Variants in NUP35 observed in about 807,000 individuals in gnomAD.
NUP35 encodes nucleoporin NUP35.
Under a neutral mutation model 41.5 loss-of-function variants are expected in NUP35, and 25 were observed. The ratio of observed to expected loss-of-function variants is 0.60; its 90% confidence interval spans 0.44 to 0.84. The LOEUF (loss-of-function observed/expected upper bound fraction) is 0.84, where lower values mean the gene tolerates loss of function less well. Ranked by LOEUF, NUP35 falls within the 40% of genes least tolerant of loss-of-function variation. NUP35 has a pLI of 0.00. For missense variants in NUP35, 396 were observed against 396.6 expected, an observed-to-expected ratio of 1.00 and a Z score of 0.01; for synonymous variants, 149 against 130.7, an observed-to-expected ratio of 1.14 and a Z score of -0.96.
At chr2:183,154,172 C>G (rs1454505737) in intron 5 of NUP35, among the ~76,000 whole-genome samples, 1 of 152,206 alleles carries the variant, frequency 6.6e-6, no homozygotes, top group East Asian at 1.9e-4. Flanking sequence ...GCTTTTTCCT[C>G]CTGGGCCTCC....
At chr2:183,133,745 C>A in intron 4 of NUP35, 122 bp downstream of exon 4, 1 of 528,664 alleles carries the variant, frequency 1.9e-6, no homozygotes, top group Non-Finnish European at 3.0e-6. Flanking sequence ...CTTCTCTATT[C>A]TTCGAATGAA....
At chr2:183,136,367 T>C (rs1274350788) in intron 4 of NUP35, among the ~76,000 whole-genome samples, 3 of 152,232 alleles carry the variant, frequency 2.0e-5, no homozygotes, top group Non-Finnish European at 2.9e-5. Context: ...CAGGGCTGTG[T>C]TTCTGTCTGG....
At chr2:183,156,605 T>C (rs1180697297) in intron 5 of NUP35, among the ~76,000 whole-genome samples, 1 of 152,120 alleles carries the variant, frequency 6.6e-6, no homozygotes, top group African/African-American at 2.4e-5. Flanking sequence ...CCTCCCAAAG[T>C]GCTGGTTGGT....
chr2:183,130,406 T>G lies in NUP35; in HGVS notation c.212-12T>G, dbSNP rs4145840. Reference sequence around the variant, plus strand: ...GAATCCCTTTTTTTTTTTTTTTTTTTGTACACTGTAGGTGGGTCACCACCA... The same window carrying G: ...GAATCCCTTTTTTTTTTTTTTTTTTGGTACACTGTAGGTGGGTCACCACCA... On this transcript the variant is annotated splice_polypyrimidine_tract_variant and intron_variant, in intron 2 of 8. Transcript: ENST00000295119. The G allele has an allele frequency of 1.1e-5, 13 of 1,200,378 alleles. No individual in the cohort carries two copies. Among genetic ancestry groups the G allele is most frequent in the East Asian group, 2.9e-5 (1 of 34,374 alleles). 74.4% of individuals were successfully genotyped at this position (1,200,378 alleles called of 1,614,324 possible). A position where few individuals can be genotyped will look rare whatever the true frequency, so the allele number is the denominator to read the frequency against.
At chr2:183,142,682 G>A (rs1460524496) in intron 4 of NUP35, among the ~76,000 whole-genome samples, 1 of 151,604 alleles carries the variant, frequency 6.6e-6, no homozygotes, top group Non-Finnish European at 1.5e-5. Context: ...GTTTCACCAT[G>A]TTGGCCAGGC....
chr2:183,157,352 G>T, intron 5 of NUP35, 92 bp from the exon 6 acceptor site: 2 of 933,326 alleles, frequency 2.1e-6, no homozygotes, highest in East Asian at 2.4e-5. Flanking sequence ...AGACAGTTGG[G>T]GGCCATTTAT....
At chr2:183,135,264 ATAGT>A (rs1575118900) in intron 4 of NUP35, among the ~76,000 whole-genome samples, 2 of 152,280 alleles carry the variant, frequency 1.3e-5, no homozygotes, top group Non-Finnish European at 2.9e-5. Context: ...CCTACCACTG[ATAGT>A]TAGGGGGCAA....
At chr2:183,159,990 T>G in intron 8 of NUP35, 1 of 184,936 alleles carries the variant, frequency 5.4e-6, no homozygotes, top group South Asian at 1.3e-4. Flanking sequence ...AATTGATGAC[T>G]AAATTGATGG....
intron 4 of NUP35, among the ~76,000 whole-genome samples, chr2:183,142,541 G>A (rs1685132623): frequency 6.6e-6 from 1 of 151,766 alleles, no homozygotes; most frequent in Admixed American, 6.6e-5. Flanking sequence ...GAGTGTAGTG[G>A]CACAATCTCG....
chr2:183,147,734 A>G (rs1257580472), intron 4 of NUP35, among the ~76,000 whole-genome samples: 1 of 152,126 alleles, frequency 6.6e-6, no homozygotes, highest in East Asian at 1.9e-4. Context: ...TGGTTATTTG[A>G]TAGGAATTGT....
rs1685705563 is a variant in NUP35, at chr2:183,157,453, A to C, written c.549A>C (p.Gln183His). The C allele has an allele frequency of 3.7e-6, 6 of 1,611,848 alleles. No homozygotes were observed. In the East Asian group the frequency reaches 1.3e-4, roughly 36 times the overall value. ...CAACTCTTTTTTTCAGGTTTCCTCA[A>C]GCATCTGCTTCCTACATATTACTAC... The part of the protein sequence containing the change: ...DSWVTVFGFP[Q>H]ASASYILLQF... The change falls in exon 6 of 9, where the codon CAA becomes CAC. Residue 183 changes from glutamine to histidine, a missense_variant. Physicochemically the swap from Gln to His is conservative, Grantham distance 24. Coordinates refer to ENST00000295119, the MANE Select transcript of NUP35 (RefSeq NM_138285.5).
chr2:183,131,146 A>ATTT, intron 3 of NUP35: 1 of 229,196 alleles, frequency 4.4e-6, no homozygotes, highest in Admixed American at 4.0e-5. Context: ...GGCTAATTGT[A>ATTT]TTTTTTTTTG....
chr2:183,136,722 C>T (rs1168032549), intron 4 of NUP35, among the ~76,000 whole-genome samples: 2 of 152,144 alleles, frequency 1.3e-5, no homozygotes, highest in African/African-American at 4.8e-5. Flanking sequence ...GTTCATCTGC[C>T]AAGTTCCTTC....
intron 4 of NUP35, among the ~76,000 whole-genome samples, chr2:183,136,555 T>C (rs529519690): frequency 6.6e-6 from 1 of 152,358 alleles, no homozygotes; most frequent in South Asian, 2.1e-4. Flanking sequence ...TCTTCAGATA[T>C]AGCAATGGCA....
At chr2:183,127,207 T>C (rs1277693719) in intron 1 of NUP35, among the ~76,000 whole-genome samples, 1 of 152,220 alleles carries the variant, frequency 6.6e-6, no homozygotes, top group Non-Finnish European at 1.5e-5. Context: ...GGATTTATTT[T>C]GTATCAATTG....
At chr2:183,158,718 C>A (rs1001657757) in intron 7 of NUP35, among the ~76,000 whole-genome samples, 2 of 152,044 alleles carry the variant, frequency 1.3e-5, no homozygotes, top group African/African-American at 4.8e-5. Context: ...CTAATCCATT[C>A]TCTTTCTTGT....
intron 7 of NUP35, among the ~76,000 whole-genome samples, chr2:183,159,165 G>A (rs1685778452): frequency 6.6e-6 from 1 of 152,144 alleles, no homozygotes; most frequent in Non-Finnish European, 1.5e-5. Flanking sequence ...ACTGGAGTTT[G>A]ATTCTTTCCA....
At chr2:183,156,757 C>T (rs1685680212) in intron 5 of NUP35, among the ~76,000 whole-genome samples, 1 of 151,422 alleles carries the variant, frequency 6.6e-6, no homozygotes, top group East Asian at 1.9e-4. Context: ...ATAGCCATTT[C>T]TATGCGATTG....
chr2:183,142,415 G>A lies in NUP35; in HGVS notation c.397+8792G>A, dbSNP rs149221646. ...TTTATGTTATCATTTATATCTGTAT[G>A]CTACTTTCTGAGAGATTTTCTCAAA... On this transcript the variant is annotated intron_variant, in intron 4 of 8. Transcript: ENST00000295119. Among the ~76,000 whole-genome samples the A allele has an allele frequency of 5.1e-3, 770 of 149,544 alleles. 3 individuals are homozygous for A. The highest frequency in any genetic ancestry group is 8.3e-3 in the Non-Finnish European group (561 of 67,490).
Sources: gnomAD v4.1 joint callset for allele counts (sites outside exome capture counted in the v4.1 genomes callset) on GRCh38, gnomAD v4.1.1 for gene constraint, MANE v1.5 for transcripts, NCBI Gene and HGNC (gene_info 2026-07-23, HGNC 2026-07-21) for gene names.